KCNMA1: variants seen among roughly 807,000 people sequenced by gnomAD.
KCNMA1 encodes the protein potassium calcium-activated channel subfamily M alpha 1.
In KCNMA1, 29 loss-of-function variants were observed where a neutral mutation model predicts 140.0. The ratio of observed to expected loss-of-function variants is 0.21; its 90% confidence interval spans 0.15 to 0.28. The LOEUF is 0.28. Among genes scored for constraint, KCNMA1 ranks in the 10% least tolerant of loss-of-function variants. KCNMA1 has a pLI of 1.00. For missense variants in KCNMA1, 880 were observed against 1,602.2 expected, an observed-to-expected ratio of 0.55 and a Z score of 7.70; for synonymous variants, 612 against 611.9, an observed-to-expected ratio of 1.00 and a Z score of 0.00.
chr10:76,914,860 A>G, intron 24 of KCNMA1, 76 bp downstream of exon 24: 6 of 1,130,964 alleles, frequency 5.3e-6, no homozygotes, highest in Middle Eastern at 2.0e-4. Flanking sequence ...GCTAAGAAAT[A>G]AACCAACCTC....
intron 3 of KCNMA1, among the ~76,000 whole-genome samples, chr10:77,240,495 G>A (rs779801495): frequency 6.6e-6 from 1 of 152,176 alleles, no homozygotes; most frequent in African/African-American, 2.4e-5. Flanking sequence ...GGCACTCAGG[G>A]AGCACAGCCA....
intron 5 of KCNMA1, among the ~76,000 whole-genome samples, chr10:77,138,766 A>T (rs1295618547): frequency 6.6e-6 from 1 of 152,166 alleles, no homozygotes; most frequent in Admixed American, 6.5e-5. Context: ...CGCCCTGCAC[A>T]CAGTGTCTCT....
At chr10:76,928,310 CGCACAT>C (rs1457959534) in intron 23 of KCNMA1, among the ~76,000 whole-genome samples, 2 of 18,934 alleles carry the variant, frequency 1.1e-4, no homozygotes, top group Non-Finnish European at 4.2e-4. Context: ...CACACACACA[CGCACAT>C]ACACACACAT....
chr10:76,896,913 T>C (rs2042781872), intron 25 of KCNMA1, among the ~76,000 whole-genome samples: 1 of 152,058 alleles, frequency 6.6e-6, no homozygotes, highest in Admixed American at 6.6e-5. Context: ...GTATAGTATG[T>C]TGTGTCTCAT....
chr10:77,159,985 G>A (rs2098537539), intron 5 of KCNMA1, among the ~76,000 whole-genome samples: 1 of 152,198 alleles, frequency 6.6e-6, no homozygotes, highest in African/African-American at 2.4e-5. Context: ...TAATGGGAAT[G>A]TCTGTTGAAT....
At chr10:77,587,249 C>T (rs7071593) in intron 1 of KCNMA1, 24,636 of 151,860 alleles carry the variant, frequency 0.16, 2,872 homozygotes, top group East Asian at 0.52. Context: ...GGAAACTCTA[C>T]ACCAAGATTG....
exon 30 of KCNMA1, chr10:76,877,880 C>G (rs1438167798): frequency 3.1e-6 from 5 of 1,609,986 alleles, no homozygotes; most frequent in African/African-American, 1.3e-5. Context: ...CATCTGTAAA[C>G]CATTTCTTTT....
intron 1 of KCNMA1, among the ~76,000 whole-genome samples, chr10:77,430,524 T>C (rs1187241070): frequency 1.3e-5 from 2 of 152,196 alleles, no homozygotes; most frequent in African/African-American, 2.4e-5. Context: ...GATTGAGAAC[T>C]CTTTCAGACA....
chr10:77,064,515 G>A (rs1595104130), intron 14 of KCNMA1, among the ~76,000 whole-genome samples: 1 of 152,178 alleles, frequency 6.6e-6, no homozygotes, highest in African/African-American at 2.4e-5. Flanking sequence ...AATTTGTAAA[G>A]GTCTGAGAAC....
chr10:77,082,007 C>G (rs112466055), intron 12 of KCNMA1, among the ~76,000 whole-genome samples: 1 of 32,500 alleles, frequency 3.1e-5, no homozygotes. Flanking sequence ...TTTTTCTTTT[C>G]TTTTTTTTTT....
chr10:76,976,219 G>A lies in KCNMA1; in HGVS notation c.2267-6152C>T, dbSNP rs546761505. On this transcript the variant is annotated intron_variant, in intron 19 of 27. Coordinates refer to ENST00000286628, the MANE Select transcript of KCNMA1 (RefSeq NM_001161352.2). The stretch of plus-strand genomic sequence containing the variant: ...GCCCACCCCATGGTAGGCTGCCAGG[G>A]CAGGGAAGGGAGGCTTGTTGGAGCT... 9.8e-5 allele frequency among the ~76,000 whole-genome samples: 15 copies of A among 152,328 alleles called. No homozygotes were observed. The Middle Eastern group carries it at 0.01, about 104-fold the overall frequency.
At chr10:77,533,839 C>T (rs139980584) in intron 1 of KCNMA1, among the ~76,000 whole-genome samples, 1 of 152,318 alleles carries the variant, frequency 6.6e-6, no homozygotes, top group East Asian at 1.9e-4. Flanking sequence ...CTGTTCCTTA[C>T]CACCTCATGG....
At chr10:77,125,132 T>C (rs139041946) in intron 5 of KCNMA1, among the ~76,000 whole-genome samples, 2 of 152,170 alleles carry the variant, frequency 1.3e-5, no homozygotes, top group Non-Finnish European at 2.9e-5. Context: ...AGGGGTATTA[T>C]GGGAACTACA....
At chr10:77,122,248 T>C (rs1044408164) in intron 5 of KCNMA1, among the ~76,000 whole-genome samples, 1 of 152,130 alleles carries the variant, frequency 6.6e-6, no homozygotes. Context: ...GGAAAATCTG[T>C]ACAAGGAAAG....
intron 3 of KCNMA1, among the ~76,000 whole-genome samples, chr10:77,199,185 A>G (rs551731542): frequency 1.1e-3 from 173 of 152,370 alleles, no homozygotes; most frequent in African/African-American, 3.8e-3. Flanking sequence ...GTTGAATGAC[A>G]TCTTTTCAAA....
chr10:77,125,319 T>A (rs891374999), intron 5 of KCNMA1, among the ~76,000 whole-genome samples: 1 of 152,192 alleles, frequency 6.6e-6, no homozygotes, highest in African/African-American at 2.4e-5. Context: ...ACCAGCACTA[T>A]CTCCTTTTGG....
At chr10:77,365,134 T>A (rs1566288026) in intron 2 of KCNMA1, among the ~76,000 whole-genome samples, 1 of 152,164 alleles carries the variant, frequency 6.6e-6, no homozygotes. Context: ...GCCATTTACA[T>A]AGAAGAATCA....
At chr10:77,537,808 G>A (rs1424175711) in intron 1 of KCNMA1, among the ~76,000 whole-genome samples, 1 of 151,998 alleles carries the variant, frequency 6.6e-6, no homozygotes, top group African/African-American at 2.4e-5. Flanking sequence ...TGGGCCGTTC[G>A]GACTGCAACA....
chr10:77,067,668 C>T (rs1454313438), intron 14 of KCNMA1, among the ~76,000 whole-genome samples: 2 of 152,200 alleles, frequency 1.3e-5, no homozygotes, highest in African/African-American at 4.8e-5. Context: ...GTGTCAATCC[C>T]TTCTTGGGAG....
Sources: gnomAD v4.1 joint callset for allele counts (sites outside exome capture counted in the v4.1 genomes callset) on GRCh38, gnomAD v4.1.1 for gene constraint, MANE v1.5 for transcripts, NCBI Gene and HGNC (gene_info 2026-07-23, HGNC 2026-07-21) for gene names.